Variants in ARMC3 observed in about 807,000 individuals in gnomAD.
The protein encoded by ARMC3 is armadillo repeat-containing protein 3.
Under a neutral mutation model 90.3 loss-of-function variants are expected in ARMC3, and 74 were observed. The observed-to-expected ratio is 0.82, with a 90% CI of 0.68 to 0.99. The LOEUF is 0.99. ARMC3 is among the 50% of genes least tolerant of loss of function. The probability of loss-of-function intolerance (pLI) is 0.00; values close to 1 mark genes in which losing one functional copy is unlikely to be tolerated. For synonymous variants in ARMC3, 334 were observed against 361.8 expected (o/e 0.92, Z 0.87); for missense variants, 958 against 1,042.8 (o/e 0.92, Z 1.12).
rs1564343768 is a variant in ARMC3 at position 22,946,176 on chromosome 10, A to G, written c.81A>G (p.Ala27=). Residue 27 remains alanine (A), a synonymous_variant, in exon 3 of 19, where the codon GCA becomes GCG. Coordinates refer to ENST00000298032, the MANE Select transcript of ARMC3 (RefSeq NM_173081.5). ...CATTAATGATTGAAAGCAAAAAAGC[A>G]GCAACTGTGGTGTTAATGCTTAATT... ...FDPLMIESKK[A]ATVVLMLNSP... is the part of the protein sequence containing the mutation. 2.5e-6 allele frequency: 4 copies of G among 1,612,386 alleles called. No individual in the cohort carries two copies. The highest frequency in any genetic ancestry group is 3.4e-6 in the Non-Finnish European group (4 of 1,179,456).
rs1336048740 is a variant in ARMC3 at position 22,981,328 on chromosome 10, G to C, written c.917-12G>C. 1.3e-6 allele frequency: 2 copies of C among 1,583,978 alleles called. No homozygotes were observed. Among genetic ancestry groups the C allele is most frequent in the African/African-American group, 2.7e-5 (2 of 73,040 alleles). On this transcript the variant is annotated splice_polypyrimidine_tract_variant and intron_variant, in intron 8 of 18. Transcript: ENST00000298032. ...TAAAATTCTGAATTTTTTTCCCTTT[G>C]GTGTATGAAAGCTGAAAATAGAAAA...
intron 4 of ARMC3, among the ~76,000 whole-genome samples, chr10:22,957,195 G>T (rs1834977683): frequency 6.6e-6 from 1 of 151,788 alleles, no homozygotes; most frequent in African/African-American, 2.4e-5. Context: ...TCCACCGCCC[G>T]CCATTTTCCC....
At chr10:23,008,171 C>T (rs1366066950) in intron 14 of ARMC3, 105 bp from the exon 15 acceptor site, 3 of 577,652 alleles carry the variant, frequency 5.2e-6, no homozygotes, top group African/African-American at 3.8e-5. Flanking sequence ...TGTTAAAAGT[C>T]AGCTTCAGTT....
At chr10:23,019,558 T>C (rs1838424026) in intron 16 of ARMC3, among the ~76,000 whole-genome samples, 1 of 152,216 alleles carries the variant, frequency 6.6e-6, no homozygotes, top group South Asian at 2.1e-4. Flanking sequence ...TTTTGTTTTT[T>C]TTAGAGACAG....
At chr10:22,967,820 G>A (rs538887643) in intron 7 of ARMC3, among the ~76,000 whole-genome samples, 29 of 152,262 alleles carry the variant, frequency 1.9e-4, no homozygotes, top group Admixed American at 3.9e-4. Flanking sequence ...GGGATTTCCC[G>A]TTTACATTTC....
chr10:22,956,589 T>C (rs1834945076), intron 4 of ARMC3, among the ~76,000 whole-genome samples: 1 of 151,642 alleles, frequency 6.6e-6, no homozygotes. Flanking sequence ...GGTGACAGAG[T>C]GAGACTGTCT....
At chr10:22,989,189 C>T (rs1836596524) in intron 10 of ARMC3, among the ~76,000 whole-genome samples, 1 of 152,132 alleles carries the variant, frequency 6.6e-6, no homozygotes, top group Non-Finnish European at 1.5e-5. Context: ...GATAATATTT[C>T]CAAAACATTT....
intron 5 of ARMC3, 75 bp downstream of exon 5, chr10:22,959,213 T>A (rs1348833999): frequency 4.2e-6 from 6 of 1,425,546 alleles, no homozygotes; most frequent in Non-Finnish European, 5.9e-6. Context: ...ATATTGAAAA[T>A]CATTCATGAA....
chr10:22,974,014 T>A (rs551355127), intron 8 of ARMC3, among the ~76,000 whole-genome samples: 12 of 152,262 alleles, frequency 7.9e-5, no homozygotes, highest in Admixed American at 6.5e-4. Flanking sequence ...CACCTCGGCC[T>A]CCCAGAGTGC....
At chr10:22,971,415 TG>T (rs1361159456) in intron 8 of ARMC3, among the ~76,000 whole-genome samples, 1 of 151,948 alleles carries the variant, frequency 6.6e-6, no homozygotes, top group Admixed American at 6.6e-5. Context: ...GTGGAGTTAC[TG>T]AATCATATGG....
At chr10:22,953,407 T>G (rs868296928) in intron 3 of ARMC3, among the ~76,000 whole-genome samples, 3 of 152,196 alleles carry the variant, frequency 2.0e-5, no homozygotes, top group Middle Eastern at 3.4e-3. Flanking sequence ...ATATATTTTT[T>G]TAAAAGAAAA....
Position 22,969,712 on chromosome 10 carries a change from A to G in ARMC3, c.916+1223A>G, listed in dbSNP as rs950865647. 3.9e-5 allele frequency among the ~76,000 whole-genome samples: 6 copies of G among 152,354 alleles called. No individual in the cohort carries two copies. The South Asian group carries it at 8.3e-4, about 21-fold the overall frequency. ...GTCAGTTCTCTCTTCCTTCTATCCT[A>G]GTTCTTCTTAGCTAAGTGAGACCCG... On this transcript the variant is annotated intron_variant, in intron 8 of 18. Transcript: ENST00000298032.
intron 10 of ARMC3, among the ~76,000 whole-genome samples, chr10:22,994,369 G>GGCCGCTTGTGTAAGGCCTTGGAGGCC (rs1430258993): frequency 6.6e-5 from 10 of 152,166 alleles, no homozygotes; most frequent in Non-Finnish European, 1.3e-4. Flanking sequence ...GAGAAGTGGG[G>GGCCGCTTGTGTAAGGCCTTGGAGGCC]GCCGCTTGTG....
At chr10:22,996,055 G>A (rs1836936149) in intron 10 of ARMC3, among the ~76,000 whole-genome samples, 2 of 152,106 alleles carry the variant, frequency 1.3e-5, no homozygotes, top group African/African-American at 2.4e-5. Context: ...TTTGGTTTAA[G>A]GGGCTGATTG....
At chr10:23,026,164 T>G (rs1248979961) in intron 16 of ARMC3, among the ~76,000 whole-genome samples, 3 of 152,118 alleles carry the variant, frequency 2.0e-5, no homozygotes, top group Admixed American at 6.6e-5. Context: ...AGAATTAACA[T>G]CAATTGTACA....
intron 2 of ARMC3, among the ~76,000 whole-genome samples, chr10:22,941,440 A>T (rs1197262678): frequency 2.0e-5 from 3 of 152,198 alleles, no homozygotes; most frequent in Non-Finnish European, 4.4e-5. Context: ...GGAGGAGTTG[A>T]CTACTCATGA....
In ARMC3 at chr10:22,968,397, G is replaced by T; in HGVS notation, c.824G>T (p.Gly275Val). 6.2e-7 allele frequency: 1 copy of T among 1,613,336 alleles called. No individual in the cohort carries two copies. The change falls in exon 8 of 19, where the codon GGT (glycine) becomes GTT (valine). Residue 275 changes from glycine to valine, a missense_variant. Transcript: ENST00000298032. ...ATGGTGCAGATTCAGCAGACAGGGG[G>T]TCTTAAAAAGCTCCTGTCATTTGCA... is the stretch of plus-strand genomic sequence containing the variant. ...DTMVQIQQTG[G>V]LKKLLSFAEN...
intron 16 of ARMC3, among the ~76,000 whole-genome samples, chr10:23,015,333 TC>T (rs1838227458): frequency 6.6e-6 from 1 of 152,220 alleles, no homozygotes; most frequent in East Asian, 1.9e-4. Context: ...TCCCTGGTTA[TC>T]CACTCTCCTC....
At chr10:23,004,518 C>T (rs1483348698) in intron 13 of ARMC3, among the ~76,000 whole-genome samples, 1 of 152,060 alleles carries the variant, frequency 6.6e-6, no homozygotes, top group Non-Finnish European at 1.5e-5. Context: ...TGTATCCTTC[C>T]TGAGGTCATG....
Sources: allele counts gnomAD v4.1 joint callset (sites outside exome capture counted in the v4.1 genomes callset), GRCh38; gene constraint gnomAD v4.1.1; transcripts MANE v1.5; gene names NCBI Gene and HGNC (gene_info 2026-07-23, HGNC 2026-07-21).